The following REDIC1 variants were observed in gnomAD, a reference collection of about 807,000 sequenced individuals.
REDIC1 encodes HEI10 Interacting Protein 1.
the REDIC1 span, among the ~76,000 whole-genome samples, chr12:39,773,985 C>T: frequency 7.9e-5 from 12 of 152,130 alleles, no homozygotes; most frequent in South Asian, 4.1e-4. Context: ...CAGTTCCTGA[C>T]GCAGGACTGT....
chr12:39,683,631 C>T, the REDIC1 span: 1 of 622,398 alleles, frequency 1.6e-6, no homozygotes, highest in Non-Finnish European at 2.8e-6. Context: ...CCAGGAGTCA[C>T]AGTGTTGATA....
chr12:39,900,203 A>G, the REDIC1 span, among the ~76,000 whole-genome samples: 1 of 152,072 alleles, frequency 6.6e-6, no homozygotes, highest in Non-Finnish European at 1.5e-5. Context: ...AAATAATAAG[A>G]GCTATCTATG....
the REDIC1 span, among the ~76,000 whole-genome samples, chr12:39,690,851 G>T: frequency 6.6e-6 from 1 of 152,294 alleles, no homozygotes; most frequent in South Asian, 2.1e-4. Flanking sequence ...GAATAACTTA[G>T]TGTCTTGTCC....
the REDIC1 span, among the ~76,000 whole-genome samples, chr12:39,804,977 T>C: frequency 5.1e-5 from 5 of 98,250 alleles, no homozygotes; most frequent in African/African-American, 2.0e-4. Flanking sequence ...GCTTGGAAAG[T>C]GCCACAGTCT....
At chr12:39,842,958 G>A in the REDIC1 span, among the ~76,000 whole-genome samples, 5 of 152,020 alleles carry the variant, frequency 3.3e-5, no homozygotes, top group South Asian at 1.0e-3. Context: ...GTTTTTTACA[G>A]TTATACAATA....
the REDIC1 span, among the ~76,000 whole-genome samples, chr12:39,766,296 G>GC: frequency 6.6e-6 from 1 of 152,092 alleles, no homozygotes; most frequent in Non-Finnish European, 1.5e-5. Flanking sequence ...GGGTCACACG[G>GC]ATTTTTTGGT....
chr12:39,691,008 A>C, the REDIC1 span, among the ~76,000 whole-genome samples: 1 of 152,150 alleles, frequency 6.6e-6, no homozygotes, highest in Non-Finnish European at 1.5e-5. Context: ...TTGAAGAGAA[A>C]AGATTTTTAA....
At chr12:39,818,961 A>C in the REDIC1 span, among the ~76,000 whole-genome samples, 1 of 152,194 alleles carries the variant, frequency 6.6e-6, no homozygotes, top group African/African-American at 2.4e-5. Flanking sequence ...ATAGGTCTGC[A>C]TAATCAAGTA....
chr12:39,846,295 A>G, the REDIC1 span, among the ~76,000 whole-genome samples: 1 of 152,116 alleles, frequency 6.6e-6, no homozygotes, highest in Non-Finnish European at 1.5e-5. Context: ...AGGGTACATT[A>G]CACCCTCCCT....
the REDIC1 span, chr12:39,650,449 AAAT>A: frequency 6.8e-7 from 1 of 1,472,434 alleles, no homozygotes; most frequent in African/African-American, 1.4e-5. The surrounding 1 kb of genome is among the most constrained non-coding windows in gnomAD (Gnocchi z 4.3). Flanking sequence ...TTTTAGTTAA[AAAT>A]ATAAACAGTC....
the REDIC1 span, among the ~76,000 whole-genome samples, chr12:39,658,821 A>G: frequency 6.6e-6 from 1 of 152,154 alleles, no homozygotes; most frequent in African/African-American, 2.4e-5. Context: ...TAGTATAAGA[A>G]TCTTACAGTA....
the REDIC1 span, chr12:39,721,445 T>C: frequency 1.9e-6 from 1 of 530,176 alleles, no homozygotes; most frequent in Non-Finnish European, 3.3e-6. Flanking sequence ...AATTTGTATA[T>C]AGCCATTTCC....
chr12:39,664,708 C>T, the REDIC1 span, among the ~76,000 whole-genome samples: 14 of 152,162 alleles, frequency 9.2e-5, no homozygotes, highest in African/African-American at 3.1e-4. Flanking sequence ...TAAAAGTGTT[C>T]CTATTTCTCC....
At chr12:39,628,486 AC>A in the REDIC1 span, among the ~76,000 whole-genome samples, 3 of 151,998 alleles carry the variant, frequency 2.0e-5, no homozygotes, top group African/African-American at 4.8e-5. Flanking sequence ...AGTTCTTTTT[AC>A]CCCCCTCCAT....
chr12:39,657,599 G>A, the REDIC1 span, among the ~76,000 whole-genome samples: 1 of 152,176 alleles, frequency 6.6e-6, no homozygotes, highest in Non-Finnish European at 1.5e-5. Context: ...TCTTGAGTGA[G>A]CTTTGGTAGT....
At chr12:39,896,091 T>C in the REDIC1 span, among the ~76,000 whole-genome samples, 1 of 149,312 alleles carries the variant, frequency 6.7e-6, no homozygotes, top group Non-Finnish European at 1.5e-5. Context: ...TACATATATG[T>C]ATACACGTGT....
At chr12:39,713,395 C>G in the REDIC1 span, among the ~76,000 whole-genome samples, 1 of 9,268 alleles carries the variant, frequency 1.1e-4, no homozygotes, top group Non-Finnish European at 6.0e-4. Context: ...TGTGTGTAGA[C>G]ACATACGTAT....
the REDIC1 span, among the ~76,000 whole-genome samples, chr12:39,905,736 T>C: frequency 0.01 from 1,565 of 151,738 alleles, 28 homozygotes; most frequent in African/African-American, 0.035. Flanking sequence ...GAAGCAATCA[T>C]GTATATCTTT....
chr12:39,697,579 T>C, the REDIC1 span, among the ~76,000 whole-genome samples: 1 of 152,126 alleles, frequency 6.6e-6, no homozygotes, highest in African/African-American at 2.4e-5. Context: ...ATAAAAGATA[T>C]ATATAGAAAC....
Sources: gnomAD v4.1 joint callset for allele counts (sites outside exome capture counted in the v4.1 genomes callset) on GRCh38, gnomAD v4.1.1 for gene constraint, Gnocchi (gnomAD v3.1) non-coding constraint, MANE v1.5 for transcripts, NCBI Gene and HGNC (gene_info 2026-07-23, HGNC 2026-07-21) for gene names.